PKP4: variants seen among roughly 807,000 people sequenced by gnomAD.
The protein encoded by PKP4 is plakophilin 4, also known as plakophilin-4.
In PKP4, 90 loss-of-function variants were observed where a neutral mutation model predicts 145.1. The observed-to-expected ratio is 0.62, with a 90% CI of 0.52 to 0.74. PKP4 has a LOEUF of 0.74. PKP4 is among the 30% of genes least tolerant of loss of function. The pLI is 0.00. For synonymous variants in PKP4, 563 were observed against 577.2 expected (o/e 0.98, Z 0.35); for missense variants, 1,340 against 1,482.7 (o/e 0.90, Z 1.58).
At chr2:158,493,429 C>A (rs1391895297) in intron 1 of PKP4, among the ~76,000 whole-genome samples, 1 of 152,174 alleles carries the variant, frequency 6.6e-6, no homozygotes, top group Non-Finnish European at 1.5e-5. Context: ...ACAGCCAAAT[C>A]TTCTCACACC....
At chr2:158,511,947 A>T (rs2041556038) in intron 1 of PKP4, among the ~76,000 whole-genome samples, 1 of 152,200 alleles carries the variant, frequency 6.6e-6, no homozygotes, top group African/African-American at 2.4e-5. Flanking sequence ...TAAAGCCAGC[A>T]AGAATGGTAT....
At chr2:158,620,730 G>T (rs2052142802) in intron 4 of PKP4, among the ~76,000 whole-genome samples, 1 of 152,132 alleles carries the variant, frequency 6.6e-6, no homozygotes, top group Non-Finnish European at 1.5e-5. Flanking sequence ...AACAGGATCA[G>T]TTTTCAGATT....
At chr2:158,566,902 GA>G (rs1473875524) in intron 2 of PKP4, among the ~76,000 whole-genome samples, 9 of 152,120 alleles carry the variant, frequency 5.9e-5, no homozygotes, top group Non-Finnish European at 1.2e-4. Context: ...AAAAGTAAAT[GA>G]AAATAAATGC....
chr2:158,672,269 A>C (rs1418061668), intron 17 of PKP4, among the ~76,000 whole-genome samples: 1 of 152,224 alleles, frequency 6.6e-6, no homozygotes, highest in East Asian at 1.9e-4. Flanking sequence ...TTAGAGATGC[A>C]AGTACATAAC....
chr2:158,571,214 G>A (rs1321058292), intron 2 of PKP4, among the ~76,000 whole-genome samples: 1 of 152,186 alleles, frequency 6.6e-6, no homozygotes, highest in African/African-American at 2.4e-5. Context: ...ATGTAATGAT[G>A]CAAATTGACA....
intron 1 of PKP4, among the ~76,000 whole-genome samples, chr2:158,466,372 A>G (rs1690612835): frequency 6.6e-6 from 1 of 152,152 alleles, no homozygotes; most frequent in Non-Finnish European, 1.5e-5. Context: ...AACTTGCTAG[A>G]TAAATAATTC....
At chr2:158,634,647 G>A (rs1015118019) in intron 9 of PKP4, among the ~76,000 whole-genome samples, 9 of 152,262 alleles carry the variant, frequency 5.9e-5, no homozygotes, top group African/African-American at 9.6e-5. Context: ...TATCCTGACC[G>A]ACTTCTTCGA....
At chr2:158,530,703 G>C (rs1473742035) in intron 1 of PKP4, among the ~76,000 whole-genome samples, 2 of 151,894 alleles carry the variant, frequency 1.3e-5, no homozygotes, top group African/African-American at 4.8e-5. Context: ...GTTGGTTGTG[G>C]CATATTGAGA....
chr2:158,514,739 A>C (rs1053289215), intron 1 of PKP4, among the ~76,000 whole-genome samples: 3 of 152,146 alleles, frequency 2.0e-5, no homozygotes, highest in Admixed American at 2.0e-4. Context: ...TCAGGAGTTC[A>C]AGACCAGCCT....
chr2:158,672,158 C>G (rs1324651852), intron 17 of PKP4, among the ~76,000 whole-genome samples: 1 of 152,144 alleles, frequency 6.6e-6, no homozygotes, highest in Non-Finnish European at 1.5e-5. Context: ...AGCAGCAGCT[C>G]CCAAGGTGAA....
intron 1 of PKP4, among the ~76,000 whole-genome samples, chr2:158,497,042 G>A (rs1052546477): frequency 3.3e-5 from 5 of 151,988 alleles, no homozygotes; most frequent in Non-Finnish European, 5.9e-5. Flanking sequence ...GAATAATTTG[G>A]TATTATACAG....
chr2:158,534,800 A>G (rs1291420315), intron 2 of PKP4, among the ~76,000 whole-genome samples: 1 of 152,226 alleles, frequency 6.6e-6, no homozygotes, highest in Non-Finnish European at 1.5e-5. Context: ...ATGGCCTCAA[A>G]TGACTTCAAA....
At chr2:158,643,473 G>C (rs1392105396) in intron 11 of PKP4, among the ~76,000 whole-genome samples, 1 of 152,106 alleles carries the variant, frequency 6.6e-6, no homozygotes, top group Non-Finnish European at 1.5e-5. Flanking sequence ...CACTTTGGGA[G>C]ACCGAGGCAA....
chr2:158,474,719 G>A (rs769402740), intron 1 of PKP4, among the ~76,000 whole-genome samples: 7 of 151,982 alleles, frequency 4.6e-5, no homozygotes, highest in Non-Finnish European at 1.0e-4. Context: ...GAGGATCCAG[G>A]CAGGATTTCT....
intron 4 of PKP4, among the ~76,000 whole-genome samples, chr2:158,617,252 C>T (rs1040382461): frequency 2.6e-5 from 4 of 152,012 alleles, no homozygotes; most frequent in Non-Finnish European, 5.9e-5. Context: ...CATACATTTT[C>T]GAAGATGCTA....
intron 3 of PKP4, among the ~76,000 whole-genome samples, chr2:158,591,289 A>G (rs1165197693): frequency 1.3e-5 from 2 of 152,096 alleles, no homozygotes; most frequent in Non-Finnish European, 2.9e-5. Context: ...ATACTTGTTG[A>G]TACTAAAAAT....
At chr2:158,640,596 T>C (rs1020545204) in intron 9 of PKP4, 31 bp from the exon 10 acceptor site, 1 of 1,609,880 alleles carries the variant, frequency 6.2e-7, no homozygotes, top group South Asian at 1.1e-5. Context: ...ACATGGGCCT[T>C]CCTTTCTGAA....
intron 11 of PKP4, among the ~76,000 whole-genome samples, chr2:158,648,062 G>A (rs1300290472): frequency 3.3e-5 from 5 of 152,128 alleles, no homozygotes; most frequent in Admixed American, 6.5e-5. Context: ...TTTAATGTAC[G>A]TACCAGATGT....
At chr2:158,489,012 C>A (rs531334301) in intron 1 of PKP4, among the ~76,000 whole-genome samples, 2 of 152,234 alleles carry the variant, frequency 1.3e-5, no homozygotes, top group South Asian at 4.1e-4. Context: ...GCCGTTATTT[C>A]GTCATCTGTA....
Sources: allele counts gnomAD v4.1 joint callset (sites outside exome capture counted in the v4.1 genomes callset), GRCh38; gene constraint gnomAD v4.1.1; transcripts MANE v1.5; gene names NCBI Gene and HGNC (gene_info 2026-07-23, HGNC 2026-07-21).